Variants in MCCC1 observed in about 807,000 individuals in gnomAD.
MCCC1 encodes methylcrotonyl-CoA carboxylase subunit 1, also known as methylcrotonoyl-CoA carboxylase subunit alpha, mitochondrial.
MCCC1 carries 64 observed loss-of-function variants against 83.8 expected under a neutral mutation model. The ratio of observed to expected loss-of-function variants is 0.76; its 90% CI spans 0.62 to 0.94. The LOEUF (loss-of-function observed/expected upper bound fraction) is 0.94, where lower values mean the gene tolerates loss of function less well. Among genes scored for constraint, MCCC1 ranks in the 40% least tolerant of loss-of-function variants. The probability of loss-of-function intolerance (pLI) is 0.00; values close to 1 mark genes in which losing one functional copy is unlikely to be tolerated. For missense variants in MCCC1, 807 were observed against 904.7 expected, an observed-to-expected ratio of 0.89 and a Z score of 1.39; for synonymous variants, 322 against 315.4, an observed-to-expected ratio of 1.02 and a Z score of -0.22.
chr3:183,054,924 C>G (rs1469199912), intron 8 of MCCC1, among the ~76,000 whole-genome samples: 1 of 152,084 alleles, frequency 6.6e-6, no homozygotes, highest in Non-Finnish European at 1.5e-5. Flanking sequence ...GGTTTGTAGC[C>G]TAGGAGCAAT....
upstream of MCCC1, among the ~76,000 whole-genome samples, chr3:183,102,785 T>G (rs1187357198): frequency 1.4e-4 from 16 of 113,546 alleles, no homozygotes; most frequent in East Asian, 5.3e-4. Flanking sequence ...TTTTTTTTTT[T>G]TTTTTTTTTT....
intron 4 of MCCC1, among the ~76,000 whole-genome samples, chr3:183,076,928 T>C (rs891330952): frequency 2.0e-5 from 3 of 152,216 alleles, no homozygotes; most frequent in Admixed American, 2.0e-4. Context: ...ACTGTGAATC[T>C]ACTGTCTCTA....
chr3:183,066,583 A>G (rs986047707), intron 7 of MCCC1, among the ~76,000 whole-genome samples: 2 of 152,232 alleles, frequency 1.3e-5, no homozygotes, highest in African/African-American at 4.8e-5. Flanking sequence ...GATTACAGGC[A>G]TGAGCCACCA....
intron 1 of MCCC1, among the ~76,000 whole-genome samples, chr3:183,107,519 T>C (rs1349654473): frequency 1.3e-5 from 2 of 151,452 alleles, no homozygotes; most frequent in Non-Finnish European, 2.9e-5. Context: ...TTTATTATTA[T>C]TATTATTATT....
chr3:183,101,765 C>T (rs1252355074), upstream of MCCC1, among the ~76,000 whole-genome samples: 1 of 152,210 alleles, frequency 6.6e-6, no homozygotes. Flanking sequence ...CTTGCTACTG[C>T]TCACTCTTTG....
chr3:183,061,196 T>C (rs1715807304), intron 7 of MCCC1, among the ~76,000 whole-genome samples: 1 of 152,156 alleles, frequency 6.6e-6, no homozygotes, highest in Non-Finnish European at 1.5e-5. Flanking sequence ...AAACTTGTGA[T>C]TAAATCTCAA....
At chr3:183,044,844 C>A (rs1403258358) in intron 10 of MCCC1, among the ~76,000 whole-genome samples, 1 of 152,084 alleles carries the variant, frequency 6.6e-6, no homozygotes, top group Non-Finnish European at 1.5e-5. Context: ...AAGAACTGAA[C>A]CCCGTCCAAA....
chr3:183,093,114 G>A (rs550273439), intron 2 of MCCC1, among the ~76,000 whole-genome samples: 115 of 152,104 alleles, frequency 7.6e-4, no homozygotes, highest in African/African-American at 2.4e-3. Context: ...GGCTGGTCTC[G>A]AACTCCTGAC....
chr3:183,069,623 G>C (rs1262055426), intron 7 of MCCC1, among the ~76,000 whole-genome samples: 1 of 152,098 alleles, frequency 6.6e-6, no homozygotes, highest in African/African-American at 2.4e-5. Flanking sequence ...TTAGGTCAGG[G>C]TCTTGGAAGA....
At chr3:183,099,043 G>A (rs1395508353) in intron 1 of MCCC1, 10 of 530,002 alleles carry the variant, frequency 1.9e-5, no homozygotes, top group Admixed American at 6.3e-5. Flanking sequence ...CGATGTAAAC[G>A]GCTACGAGCT....
In MCCC1 at chr3:183,041,964, T is replaced by C. The variant is rs141647852; in HGVS notation, c.1084-214A>G. 4.7e-3 allele frequency among the ~76,000 whole-genome samples: 713 copies of C among 152,240 alleles called. 11 individuals carry two copies. Among genetic ancestry groups the C allele is most frequent in the African/African-American group, 0.016 (665 of 41,550 alleles). The stretch of plus-strand genomic sequence containing the variant: ...CTTGGCAACAGTCTATCATTTGGGG[T>C]ATCGGAGTTTTTAAATGGCAAAAGC... On this transcript the variant is annotated intron_variant, in intron 10 of 18. Transcript: ENST00000265594.
intron 12 of MCCC1, among the ~76,000 whole-genome samples, chr3:183,038,428 G>A (rs774109626): frequency 6.6e-6 from 1 of 152,056 alleles, no homozygotes; most frequent in Non-Finnish European, 1.5e-5. Flanking sequence ...AGTGTGGTTG[G>A]AGCCACAGAG....
upstream of MCCC1, among the ~76,000 whole-genome samples, chr3:183,103,286 G>A (rs1229347057): frequency 1.3e-5 from 2 of 152,066 alleles, no homozygotes; most frequent in East Asian, 1.9e-4. Context: ...AAGCAGACCC[G>A]AGCGGGTTGG....
intron 15 of MCCC1, 57 bp downstream of exon 15, chr3:183,025,698 A>G (rs376397265): frequency 3.0e-5 from 42 of 1,404,100 alleles, no homozygotes; most frequent in Non-Finnish European, 4.0e-5. Flanking sequence ...GACCCTATTC[A>G]GTATAAAAGC....
chr3:183,076,717 C>T (rs1717102269), intron 4 of MCCC1, among the ~76,000 whole-genome samples: 1 of 152,162 alleles, frequency 6.6e-6, no homozygotes, highest in South Asian at 2.1e-4. Flanking sequence ...TGTTACTGCA[C>T]TTTTTAAACA....
chr3:183,094,340 C>T (rs1287883665), intron 2 of MCCC1, among the ~76,000 whole-genome samples: 5 of 151,996 alleles, frequency 3.3e-5, no homozygotes, highest in Non-Finnish European at 4.4e-5. Flanking sequence ...TGAGCCACTG[C>T]GCCCGGCTGC....
intron 14 of MCCC1, among the ~76,000 whole-genome samples, chr3:183,027,391 AG>A (rs1712699631): frequency 6.6e-6 from 1 of 152,240 alleles, no homozygotes; most frequent in African/African-American, 2.4e-5. Context: ...TTAGTGAGGA[AG>A]GAATGTCAAA....
chr3:183,072,624 C>A, intron 4 of MCCC1, 137 bp from the exon 5 acceptor site: 1 of 932,092 alleles, frequency 1.1e-6, no homozygotes, highest in Non-Finnish European at 1.6e-6. Context: ...ACTCTGTTTC[C>A]AAAGAAATAT....
upstream of MCCC1, among the ~76,000 whole-genome samples, chr3:183,102,467 T>C (rs1719327877): frequency 6.6e-6 from 1 of 152,206 alleles, no homozygotes; most frequent in South Asian, 2.1e-4. Flanking sequence ...GATGATTCAC[T>C]ATTAAGAAAT....
Sources: gnomAD v4.1 joint callset for allele counts (sites outside exome capture counted in the v4.1 genomes callset) on GRCh38, gnomAD v4.1.1 for gene constraint, MANE v1.5 for transcripts, NCBI Gene and HGNC (gene_info 2026-07-23, HGNC 2026-07-21) for gene names.